HPN: variants seen among roughly 807,000 people sequenced by gnomAD.
HPN encodes serine protease hepsin.
Under a neutral mutation model 55.9 loss-of-function variants are expected in HPN, and 13 were observed. The observed-to-expected ratio is 0.23, with a 90% CI of 0.15 to 0.37. The LOEUF is 0.37. Among genes scored for constraint, HPN ranks in the 10% least tolerant of loss-of-function variants. The probability of loss-of-function intolerance (pLI) is 1.00; values close to 1 mark genes in which losing one functional copy is unlikely to be tolerated. For missense variants in HPN, 451 were observed against 575.8 expected (o/e 0.78, Z 2.22); for synonymous variants, 225 against 240.3 (o/e 0.94, Z 0.59).
At chr19:35,057,070 C>T (rs1202991862) in intron 4 of HPN, among the ~76,000 whole-genome samples, 1 of 152,176 alleles carries the variant, frequency 6.6e-6, no homozygotes, top group Non-Finnish European at 1.5e-5. Context: ...GATTTACTAA[C>T]TCACTTAACC....
chr19:35,050,047 C>T (rs1035353805), intron 4 of HPN, among the ~76,000 whole-genome samples: 1 of 152,060 alleles, frequency 6.6e-6, no homozygotes, highest in African/African-American at 2.4e-5. Flanking sequence ...TACTGCGTGG[C>T]ATGGTGAAAA....
chr19:35,046,665 G>A (rs2064345263), intron 2 of HPN, among the ~76,000 whole-genome samples: 1 of 152,248 alleles, frequency 6.6e-6, no homozygotes, highest in Non-Finnish European at 1.5e-5. Flanking sequence ...CACCATGGGT[G>A]CAGATGGGCG....
chr19:35,060,291 T>A, intron 7 of HPN, 56 bp from the exon 8 acceptor site: 1 of 1,607,172 alleles, frequency 6.2e-7, no homozygotes, highest in East Asian at 2.2e-5. Flanking sequence ...GCCTGGGCTC[T>A]GGGGACCTGG....
intron 9 of HPN, among the ~76,000 whole-genome samples, chr19:35,064,884 T>C (rs2064584916): frequency 6.6e-6 from 1 of 151,928 alleles, no homozygotes; most frequent in South Asian, 2.1e-4. Context: ...TGCAATGACA[T>C]GATCTCGGCT....
chr19:35,049,573 C>A, intron 4 of HPN, 57 bp downstream of exon 4: 2 of 1,478,888 alleles, frequency 1.4e-6, no homozygotes, highest in Admixed American at 2.0e-5. Flanking sequence ...GTGTATCTGG[C>A]GGGAGCTCAA....
Position 35,065,808 on chromosome 19 carries a change from G to A in HPN, c.1051-60G>A, listed in dbSNP as rs996176132. 3.7e-5 allele frequency: 56 copies of A among 1,513,410 alleles called. No homozygotes were observed. The South Asian group carries it at 4.6e-4, about 13-fold the overall frequency. The allele number at this position is 1,513,410 out of a possible 1,614,324, so 93.7% of individuals were successfully genotyped here. ...CTGGGGCCACAGCCCATGTCATCCC[G>A]GGGTGGGCCTCCTGTCCAACCACTT... is the stretch of plus-strand genomic sequence containing the variant. On this transcript the variant is annotated intron_variant, in intron 11 of 12. Transcript: ENST00000672452.
intron 4 of HPN, among the ~76,000 whole-genome samples, chr19:35,056,411 T>C (rs1481299070): frequency 6.6e-6 from 1 of 152,188 alleles, no homozygotes; most frequent in Admixed American, 6.5e-5. Flanking sequence ...AAATAGAGCC[T>C]GGCAGGTACA....
At chr19:35,046,289 G>C (rs1157167237) in intron 2 of HPN, among the ~76,000 whole-genome samples, 1 of 151,528 alleles carries the variant, frequency 6.6e-6, no homozygotes, top group African/African-American at 2.4e-5. Flanking sequence ...CTGTTGCCCA[G>C]GCTAGAGTAC....
intron 4 of HPN, 73 bp downstream of exon 4, chr19:35,049,589 G>C (rs8109139): frequency 7.5e-7 from 1 of 1,329,162 alleles, no homozygotes; most frequent in African/African-American, 1.5e-5. Context: ...CTCAACAAGC[G>C]TATTTGTTGA....
chr19:35,049,684 G>A (rs1292788477), intron 4 of HPN, among the ~76,000 whole-genome samples, 168 bp downstream of exon 4: 2 of 152,168 alleles, frequency 1.3e-5, no homozygotes, highest in African/African-American at 4.8e-5. Context: ...ACTATTCTAA[G>A]CACCCCACAT....
intron 4 of HPN, among the ~76,000 whole-genome samples, chr19:35,054,521 A>T (rs989855152): frequency 5.3e-5 from 8 of 151,710 alleles, no homozygotes; most frequent in African/African-American, 1.9e-4. Flanking sequence ...GCCCACTGAC[A>T]CCCCCCAGTA....
chr19:35,061,527 G>A (rs567248139), intron 9 of HPN, among the ~76,000 whole-genome samples: 29 of 152,004 alleles, frequency 1.9e-4, no homozygotes, highest in Admixed American at 3.3e-4. Context: ...CCGGGAGGTG[G>A]AGATTGCAGT....
intron 11 of HPN, 24 bp downstream of exon 11, chr19:35,065,705 C>T: frequency 1.2e-6 from 2 of 1,613,194 alleles, no homozygotes; most frequent in Non-Finnish European, 1.7e-6. Context: ...TAGGGGCAGC[C>T]CCCTGGTCGC....
chr19:35,049,851 A>ATTTTT (rs1185797905), intron 4 of HPN, among the ~76,000 whole-genome samples: 1 of 125,904 alleles, frequency 7.9e-6, no homozygotes, highest in African/African-American at 2.9e-5. Context: ...GGTTATGCTA[A>ATTTTT]TTTTTGTTTG....
chr19:35,046,607 C>T (rs949497176), intron 2 of HPN, among the ~76,000 whole-genome samples: 3 of 152,138 alleles, frequency 2.0e-5, no homozygotes, highest in Admixed American at 6.5e-5. Context: ...TAGACCACTC[C>T]CTGCTCTGTT....
intron 2 of HPN, among the ~76,000 whole-genome samples, chr19:35,047,094 C>T (rs887092267): frequency 2.0e-5 from 3 of 152,186 alleles, no homozygotes; most frequent in East Asian, 3.9e-4. Flanking sequence ...TCCCAAAGTG[C>T]TGGGATTACA....
At chr19:35,043,926 G>A (rs1011546404) in intron 2 of HPN, among the ~76,000 whole-genome samples, 1 of 152,242 alleles carries the variant, frequency 6.6e-6, no homozygotes, top group African/African-American at 2.4e-5. Flanking sequence ...TGCCTCCCTG[G>A]CAGCTCCGGG....
At chr19:35,047,804 C>G (rs1206703798) in intron 2 of HPN, among the ~76,000 whole-genome samples, 1 of 151,822 alleles carries the variant, frequency 6.6e-6, no homozygotes, top group Non-Finnish European at 1.5e-5. Context: ...TCACGACCAG[C>G]CTGGTCAACA....
chr19:35,062,127 GGAAA>G (rs2064542283), intron 9 of HPN, among the ~76,000 whole-genome samples: 1 of 151,972 alleles, frequency 6.6e-6, no homozygotes, highest in South Asian at 2.1e-4. Context: ...GAAAAGAAAA[GGAAA>G]GAAAGAAAAG....
Sources: allele counts gnomAD v4.1 joint callset (sites outside exome capture counted in the v4.1 genomes callset), GRCh38; gene constraint gnomAD v4.1.1; transcripts MANE v1.5; gene names NCBI Gene and HGNC (gene_info 2026-07-23, HGNC 2026-07-21).